Variants in TCEA3 observed in about 807,000 individuals in gnomAD.
The protein encoded by TCEA3 is transcription elongation factor A3.
A neutral mutation model predicts 44.0 loss-of-function variants in TCEA3; 36 were observed. The ratio of observed to expected loss-of-function variants is 0.82; its 90% CI spans 0.63 to 1.08. The LOEUF is 1.08. Ranked by LOEUF, TCEA3 falls within the 50% of genes least tolerant of loss-of-function variation. TCEA3 has a pLI of 0.00. For synonymous variants in TCEA3, 162 were observed against 159.7 expected, an observed-to-expected ratio of 1.01 and a Z score of -0.11; for missense variants, 392 against 441.2, an observed-to-expected ratio of 0.89 and a Z score of 1.00.
At position 23,384,383 on chromosome 1, in the gene TCEA3, G is replaced by A. The variant is rs1204460864; in HGVS notation, c.1001C>T (p.Thr334Ile). The A allele has an allele frequency of 4.3e-6, 7 of 1,613,738 alleles. No homozygotes were observed. The highest frequency in any genetic ancestry group is 5.9e-6 in the Non-Finnish European group (7 of 1,179,858). Residue 334 changes from threonine (T) to isoleucine (I), a missense_variant, in exon 10 of 11, where the codon ACC becomes ATC. Physicochemically the swap from Thr to Ile is moderately conservative, Grantham distance 89. Transcript: ENST00000450454. ...QTRSADEPMT[T>I]FVLCNECGNR... The stretch of plus-strand genomic sequence containing the variant: ...GCCACATTCATTGCATAAGACAAAG[G>A]TAGTCATGGGCTCATCAGCACTGCG...
intron 7 of TCEA3, among the ~76,000 whole-genome samples, chr1:23,396,543 CCAAAGA>C (rs1485303253): frequency 1.3e-5 from 2 of 152,114 alleles, no homozygotes; most frequent in African/African-American, 4.8e-5. Context: ...TACATGGAAT[CCAAAGA>C]CAAAGTCTCC....
intron 5 of TCEA3, 52 bp from the exon 6 acceptor site, chr1:23,398,007 T>C (rs1309386882): frequency 3.8e-6 from 6 of 1,593,312 alleles, no homozygotes; most frequent in Non-Finnish European, 5.1e-6. Flanking sequence ...GTAAAGCATT[T>C]ATTGAGCAGC....
At chr1:23,393,351 C>T (rs563194534) in intron 8 of TCEA3, among the ~76,000 whole-genome samples, 12 of 152,064 alleles carry the variant, frequency 7.9e-5, no homozygotes, top group South Asian at 2.1e-4. Flanking sequence ...ATATACCATA[C>T]GCACATGCTC....
Position 23,394,044 on chromosome 1 carries a change from C to T in TCEA3, c.665-11G>A, listed in dbSNP as rs1639145065. On this transcript the variant is annotated splice_polypyrimidine_tract_variant and intron_variant, in intron 7 of 10. Transcript: ENST00000450454. ...GCTCTTGGTAGATATGTGACACAGT[C>T]AAGGGCCGGCCAGCCATTCATGGAG... is the stretch of plus-strand genomic sequence containing the variant. 6.2e-7 allele frequency: 1 copy of T among 1,613,620 alleles called. No individual in the cohort carries two copies. The highest frequency in any genetic ancestry group is 1.3e-5 in the African/African-American group (1 of 74,948).
At chr1:23,383,557 A>C (rs1638734366) in intron 10 of TCEA3, 1 of 971,804 alleles carries the variant, frequency 1.0e-6, no homozygotes, top group African/African-American at 1.8e-5. Flanking sequence ...TAACATGCTC[A>C]GCATGAGTAG....
At chr1:23,421,986 A>G (rs949699519) in intron 1 of TCEA3, among the ~76,000 whole-genome samples, 5 of 152,164 alleles carry the variant, frequency 3.3e-5, no homozygotes, top group African/African-American at 4.8e-5. Flanking sequence ...CCTTGTGCAA[A>G]TGTTGCTGGG....
chr1:23,421,515 A>C (rs1415998300), intron 1 of TCEA3, among the ~76,000 whole-genome samples: 1 of 147,576 alleles, frequency 6.8e-6, no homozygotes, highest in African/African-American at 2.5e-5. Context: ...AAAAAAAAAA[A>C]CTGACCTGTA....
At position 23,424,692 on chromosome 1, in the gene TCEA3, G is replaced by C; in HGVS notation, c.-59C>G. The C allele has an allele frequency of 7.2e-7, 1 of 1,387,426 alleles. No homozygotes were observed. The highest frequency in any genetic ancestry group is 1.0e-6 in the Non-Finnish European group (1 of 1,002,884). 85.9% of individuals were successfully genotyped at this position (1,387,426 alleles called of 1,614,324 possible). ...CAGGGGCAGCAGTAGGGCCTCGGGG[G>C]CAGGAGGCGCGAAGGCGGAGGGCGC... On this transcript the variant is annotated 5_prime_UTR_variant, in exon 1 of 11. Coordinates refer to ENST00000450454, the MANE Select transcript of TCEA3 (RefSeq NM_003196.3).
chr1:23,404,067 GC>G (rs1639473550), intron 5 of TCEA3: 1 of 699,004 alleles, frequency 1.4e-6, no homozygotes, highest in Non-Finnish European at 2.6e-6. Context: ...AAATCCTCCT[GC>G]CCCAGGTCTG....
intron 7 of TCEA3, among the ~76,000 whole-genome samples, chr1:23,395,240 G>A (rs1639181007): frequency 6.6e-6 from 1 of 152,258 alleles, no homozygotes; most frequent in South Asian, 2.1e-4. Flanking sequence ...TTCCTGGGGT[G>A]TATTGATATG....
intron 4 of TCEA3, among the ~76,000 whole-genome samples, chr1:23,409,276 C>T (rs1473415818): frequency 6.6e-6 from 1 of 152,098 alleles, no homozygotes; most frequent in African/African-American, 2.4e-5. Context: ...CGCAAGAAAA[C>T]CAATGCATAG....
chr1:23,387,453 G>A (rs1638881312), intron 8 of TCEA3, 34 bp from the exon 9 acceptor site: 1 of 1,558,914 alleles, frequency 6.4e-7, no homozygotes, highest in Non-Finnish European at 8.7e-7. Flanking sequence ...TCAGGGCTGA[G>A]GAGTTTCAGG....
At chr1:23,424,457 C>A in intron 1 of TCEA3, 108 bp downstream of exon 1, 1 of 996,900 alleles carries the variant, frequency 1.0e-6, no homozygotes, top group African/African-American at 1.6e-5. Flanking sequence ...GTCCCCGAGT[C>A]CCGTACGCGC....
intron 8 of TCEA3, among the ~76,000 whole-genome samples, chr1:23,389,425 G>A (rs926254866): frequency 6.6e-6 from 1 of 150,680 alleles, no homozygotes; most frequent in Non-Finnish European, 1.5e-5. Context: ...GGAGGTTTAA[G>A]TTGCAGTGAG....
At chr1:23,403,735 A>G in intron 5 of TCEA3, 1 of 211,988 alleles carries the variant, frequency 4.7e-6, no homozygotes, top group Non-Finnish European at 9.6e-6. Context: ...ATTCTTTTCA[A>G]CACATCAACT....
chr1:23,398,612 G>A (rs1234343301), intron 5 of TCEA3, among the ~76,000 whole-genome samples: 1 of 152,130 alleles, frequency 6.6e-6, no homozygotes, highest in African/African-American at 2.4e-5. Flanking sequence ...AATCTTCATA[G>A]CAGTCCCAGG....
chr1:23,408,710 A>C lies in TCEA3; in HGVS notation c.397T>G (p.Ser133Ala). The C allele has an allele frequency of 6.2e-7, 1 of 1,609,886 alleles. No homozygotes were observed. The highest frequency in any genetic ancestry group is 8.5e-7 in the Non-Finnish European group (1 of 1,178,198). ...GGAGAGGAGGAGGCAGAAGACTTGGAGTCCACAGAGTCTCTCCTGAAAGAA... is the reference window on the plus strand; with the variant it reads ...GGAGAGGAGGAGGCAGAAGACTTGGCGTCCACAGAGTCTCTCCTGAAAGAA... ...DPKTRRDSVD[S>A]KSSASSSPKR... Residue 133 changes from serine (S) to alanine (A), a missense_variant, in exon 5 of 11, where the codon TCC (serine) becomes GCC (alanine). By Grantham distance (99) the Ser-to-Ala change is moderately conservative. Transcript: ENST00000450454.
chr1:23,419,286 A>G (rs2148585245), intron 1 of TCEA3, 147 bp from the exon 2 acceptor site: 2 of 557,316 alleles, frequency 3.6e-6, no homozygotes, highest in Middle Eastern at 2.7e-4. Context: ...GAGAGAGACG[A>G]GAAACAATCT....
chr1:23,391,009 T>A (rs1158832595), intron 8 of TCEA3, among the ~76,000 whole-genome samples: 1 of 151,868 alleles, frequency 6.6e-6, no homozygotes, highest in African/African-American at 2.4e-5. Flanking sequence ...GAAAGAGGCA[T>A]AAAAAGGGAG....
Sources: allele counts gnomAD v4.1 joint callset (sites outside exome capture counted in the v4.1 genomes callset), GRCh38; gene constraint gnomAD v4.1.1; transcripts MANE v1.5; gene names NCBI Gene and HGNC (gene_info 2026-07-23, HGNC 2026-07-21).